GABRB1: variants seen among roughly 807,000 people sequenced by gnomAD.
The protein encoded by GABRB1 is gamma-aminobutyric acid type A receptor subunit beta1, also known as gamma-aminobutyric acid receptor subunit beta-1.
A neutral mutation model predicts 51.6 loss-of-function variants in GABRB1; 17 were observed. That is an observed-to-expected ratio of 0.33 (90% CI 0.23 to 0.49). GABRB1 has a LOEUF of 0.49. GABRB1 is among the 20% of genes least tolerant of loss of function. The pLI is 0.99. For missense variants in GABRB1, 410 were observed against 600.6 expected, an observed-to-expected ratio of 0.68 and a Z score of 3.32; for synonymous variants, 247 against 218.9, an observed-to-expected ratio of 1.13 and a Z score of -1.14.
Position 47,370,346 on chromosome 4 carries a change from G to C in GABRB1, c.545-32972G>C, listed in dbSNP as rs138363261. On this transcript the variant is annotated intron_variant, in intron 5 of 8. Coordinates refer to ENST00000295454, the MANE Select transcript of GABRB1 (RefSeq NM_000812.4). ...TACTAAAAATACAAAAATTAGCTGG[G>C]CATGGTGCCAGGCACCTGTAGTCCC... Among the ~76,000 whole-genome samples, 1,043 of 152,194 alleles carry C rather than the reference G, an allele frequency of 6.9e-3. 8 individuals are homozygous for C. Among genetic ancestry groups the C allele is most frequent in the African/African-American group, 0.023 (956 of 41,504 alleles).
intron 4 of GABRB1, among the ~76,000 whole-genome samples, chr4:47,190,158 G>A (rs1719380302): frequency 6.6e-6 from 1 of 152,076 alleles, no homozygotes; most frequent in African/African-American, 2.4e-5. Context: ...TTGGTGAATA[G>A]AACAATGTGA....
intron 4 of GABRB1, among the ~76,000 whole-genome samples, chr4:47,263,985 A>T (rs555759930): frequency 3.6e-4 from 55 of 152,094 alleles, no homozygotes; most frequent in South Asian, 8.3e-4. Flanking sequence ...AAAATAAAAA[A>T]AAAAAAATCA....
chr4:47,172,494 G>A (rs572193927), intron 4 of GABRB1, among the ~76,000 whole-genome samples: 3 of 152,150 alleles, frequency 2.0e-5, no homozygotes, highest in Admixed American at 6.5e-5. Context: ...ACCCCTGCTT[G>A]TAAACTGTGA....
At chr4:47,258,651 A>G (rs960779390) in intron 4 of GABRB1, among the ~76,000 whole-genome samples, 1 of 152,228 alleles carries the variant, frequency 6.6e-6, no homozygotes, top group African/African-American at 2.4e-5. Flanking sequence ...ATGACAATGT[A>G]TTAGTCAAGA....
intron 4 of GABRB1, among the ~76,000 whole-genome samples, chr4:47,257,499 C>T (rs889303972): frequency 2.6e-5 from 4 of 151,938 alleles, no homozygotes; most frequent in African/African-American, 7.2e-5. Context: ...ATCTTGAAAT[C>T]TCACAGTTTG....
chr4:47,336,975 AT>A (rs1725723222), intron 5 of GABRB1, among the ~76,000 whole-genome samples: 1 of 152,228 alleles, frequency 6.6e-6, no homozygotes, highest in South Asian at 2.1e-4. Flanking sequence ...AATAATCCGC[AT>A]GTATATTGGA....
At chr4:47,203,993 C>T (rs1045758436) in intron 4 of GABRB1, among the ~76,000 whole-genome samples, 1 of 152,186 alleles carries the variant, frequency 6.6e-6, no homozygotes, top group Non-Finnish European at 1.5e-5. Context: ...TCAATAATTT[C>T]TCCGTGCTTT....
intron 3 of GABRB1, among the ~76,000 whole-genome samples, chr4:47,125,835 G>A (rs1372740241): frequency 6.7e-6 from 1 of 149,980 alleles, no homozygotes; most frequent in Non-Finnish European, 1.5e-5. Flanking sequence ...GATTACAGGC[G>A]TGAGCCACCG....
Position 47,043,730 on chromosome 4 carries a change from T to C in GABRB1, c.240+11246T>C, listed in dbSNP as rs563701608. 1.7e-3 allele frequency among the ~76,000 whole-genome samples: 263 copies of C among 152,184 alleles called. 2 individuals carry two copies. The highest frequency in any genetic ancestry group is 0.01 in the Middle Eastern group (3 of 294). Reference sequence around the variant, plus strand: ...GAAACAAAATATGGGACCCTATCTGTACAATAACTAGTGAGCACCTGCAGA... The same window carrying C: ...GAAACAAAATATGGGACCCTATCTGCACAATAACTAGTGAGCACCTGCAGA... On this transcript the variant is annotated intron_variant, in intron 3 of 8. Transcript: ENST00000295454.
chr4:47,063,306 A>G (rs1191585374), intron 3 of GABRB1, among the ~76,000 whole-genome samples: 1 of 152,178 alleles, frequency 6.6e-6, no homozygotes, highest in Non-Finnish European at 1.5e-5. Context: ...AACATTGGAT[A>G]TGAAAGTGAA....
At chr4:47,328,352 A>G (rs1276921938) in intron 5 of GABRB1, among the ~76,000 whole-genome samples, 2 of 152,050 alleles carry the variant, frequency 1.3e-5, no homozygotes, top group Admixed American at 6.6e-5. Context: ...TTTTGTTGCC[A>G]TTGCTTTTGG....
At chr4:47,359,758 C>T (rs772917050) in intron 5 of GABRB1, among the ~76,000 whole-genome samples, 10 of 152,048 alleles carry the variant, frequency 6.6e-5, no homozygotes, top group Non-Finnish European at 1.5e-4. Context: ...AAAACCCTGC[C>T]TTTATTTTCA....
chr4:46,994,807 A>G (rs186233707), intron 1 of GABRB1, among the ~76,000 whole-genome samples: 5 of 152,330 alleles, frequency 3.3e-5, no homozygotes, highest in Non-Finnish European at 5.9e-5. Flanking sequence ...CCAAACACCA[A>G]TTAGGTTCTA....
At chr4:47,358,404 T>G (rs11735406) in intron 5 of GABRB1, among the ~76,000 whole-genome samples, 72,928 of 148,690 alleles carry the variant, frequency 0.49, 18,953 homozygotes, top group African/African-American at 0.68. Flanking sequence ...TATATATATA[T>G]AGAGAGAGAG....
At chr4:47,381,370 C>A (rs1727592446) in intron 5 of GABRB1, among the ~76,000 whole-genome samples, 1 of 152,170 alleles carries the variant, frequency 6.6e-6, no homozygotes, top group Admixed American at 6.5e-5. Context: ...GTGCTCAAGA[C>A]TTAACTGGTC....
At position 47,363,253 on chromosome 4, in the gene GABRB1, G is replaced by A. The variant is rs1288644180; in HGVS notation, c.545-40065G>A. On this transcript the variant is annotated intron_variant, in intron 5 of 8. Transcript: ENST00000295454. ...ATAGAGTTGAAGTAACTTGTCCATA[G>A]TGACACAAACTACTGAGTGTCAGAG... 2.6e-5 allele frequency among the ~76,000 whole-genome samples: 4 copies of A among 152,242 alleles called. No individual in the cohort carries two copies. In the Middle Eastern group the frequency reaches 0.01, roughly 388 times the overall value.
intron 1 of GABRB1, among the ~76,000 whole-genome samples, chr4:47,000,241 T>C (rs1724137453): frequency 6.6e-6 from 1 of 152,114 alleles, no homozygotes; most frequent in Admixed American, 6.6e-5. Flanking sequence ...ATGAACAAAT[T>C]TGCATGAAAA....
At chr4:47,271,443 G>A (rs1028480185) in intron 4 of GABRB1, among the ~76,000 whole-genome samples, 7 of 152,102 alleles carry the variant, frequency 4.6e-5, no homozygotes, top group East Asian at 1.9e-4. Flanking sequence ...CCTCATCTGC[G>A]CATTTGGCAT....
intron 3 of GABRB1, among the ~76,000 whole-genome samples, chr4:47,084,432 A>G (rs1030474260): frequency 6.6e-6 from 1 of 152,132 alleles, no homozygotes. Flanking sequence ...ATATATACCA[A>G]ATAAAAGTGA....
Sources: allele counts gnomAD v4.1 joint callset (sites outside exome capture counted in the v4.1 genomes callset), GRCh38; gene constraint gnomAD v4.1.1; transcripts MANE v1.5; gene names NCBI Gene and HGNC (gene_info 2026-07-23, HGNC 2026-07-21).